DACH1: variants seen among roughly 807,000 people sequenced by gnomAD.
DACH1 encodes the protein dachshund homolog 1.
DACH1 carries 12 observed loss-of-function variants against 54.2 expected under a neutral mutation model. The observed-to-expected ratio is 0.22, with a 90% confidence interval of 0.14 to 0.36. The LOEUF (loss-of-function observed/expected upper bound fraction) is 0.36. Among genes scored for constraint, DACH1 ranks in the 10% least tolerant of loss-of-function variants. DACH1 has a pLI of 1.00. For missense variants in DACH1, 805 were observed against 929.8 expected, an observed-to-expected ratio of 0.87 and a Z score of 1.75; for synonymous variants, 386 against 366.2, an observed-to-expected ratio of 1.05 and a Z score of -0.62.
At chr13:71,844,553 T>G (rs923242503) in intron 1 of DACH1, among the ~76,000 whole-genome samples, 1 of 152,314 alleles carries the variant, frequency 6.6e-6, no homozygotes, top group South Asian at 2.1e-4. Flanking sequence ...TTGTTTTTGA[T>G]TTATGCAATA....
intron 1 of DACH1, among the ~76,000 whole-genome samples, chr13:71,688,694 C>G (rs184106861): frequency 6.6e-6 from 1 of 152,226 alleles, no homozygotes; most frequent in Admixed American, 6.5e-5. Context: ...CAGTGGACAC[C>G]TTGTGAACAC....
chr13:71,580,890 G>A (rs1593929822), intron 3 of DACH1, among the ~76,000 whole-genome samples: 1 of 152,074 alleles, frequency 6.6e-6, no homozygotes, highest in Non-Finnish European at 1.5e-5. Context: ...CTCAGCTGCT[G>A]TAATCAAATT....
At chr13:71,569,712 T>C (rs925828592) in intron 4 of DACH1, among the ~76,000 whole-genome samples, 1 of 152,200 alleles carries the variant, frequency 6.6e-6, no homozygotes, top group Non-Finnish European at 1.5e-5. Context: ...TTTGCTTCTC[T>C]TTTGTCCTAC....
Position 71,866,564 on chromosome 13 carries a change from G to GCTGTCTCT in DACH1, c.205_206insAGAGACAG (p.Thr69LysfsTer128). 1 of 1,260,626 alleles carries GCTGTCTCT rather than the reference G, an allele frequency of 7.9e-7. No homozygotes were observed. Among genetic ancestry groups the GCTGTCTCT allele is most frequent in the Non-Finnish European group, 1.0e-6 (1 of 998,110 alleles). The allele number at this position is 1,260,626 out of a possible 1,614,324, so 78.1% of individuals were successfully genotyped here. On this transcript the variant is annotated frameshift_variant, in exon 1 of 11. Coordinates refer to ENST00000613252, the MANE Select transcript of DACH1 (RefSeq NM_080759.6). LOFTEE classifies it high-confidence loss of function. ...GCCGCCGCCGCCGGTAGAGGTGACT[G>GCTGTCTCT]TGGCCGCCGCCGCCGCCGCCGAAGC... is the stretch of plus-strand genomic sequence containing the variant.
At chr13:71,465,467 C>G (rs973786570) in intron 10 of DACH1, among the ~76,000 whole-genome samples, 1 of 151,938 alleles carries the variant, frequency 6.6e-6, no homozygotes, top group Non-Finnish European at 1.5e-5. Context: ...GATATCCTTA[C>G]CATGGGGGAT....
chr13:71,631,303 T>A (rs142882801), intron 2 of DACH1, among the ~76,000 whole-genome samples: 126 of 152,304 alleles, frequency 8.3e-4, no homozygotes, highest in African/African-American at 3.0e-3. Flanking sequence ...AGCTACTCAT[T>A]AGAAGTCTTC....
intron 6 of DACH1, among the ~76,000 whole-genome samples, chr13:71,508,874 A>T (rs1258450219): frequency 2.0e-5 from 3 of 152,128 alleles, no homozygotes; most frequent in Non-Finnish European, 4.4e-5. Context: ...CCCCAAATGC[A>T]TTTCACTATT....
At chr13:71,573,657 A>T (rs1220498451) in intron 3 of DACH1, 13 of 438,198 alleles carry the variant, frequency 3.0e-5, no homozygotes. Flanking sequence ...TTTTTAAAAA[A>T]TGTATCACAT....
chr13:71,705,600 A>G (rs989828378), intron 1 of DACH1, among the ~76,000 whole-genome samples: 2 of 152,206 alleles, frequency 1.3e-5, no homozygotes, highest in African/African-American at 4.8e-5. Context: ...GCTCAAGCCT[A>G]TCAATGAATG....
intron 1 of DACH1, among the ~76,000 whole-genome samples, chr13:71,722,883 G>A (rs963749479): frequency 6.6e-5 from 10 of 152,054 alleles, no homozygotes; most frequent in African/African-American, 2.4e-4. Flanking sequence ...CTAAAGAGAG[G>A]AGGAGGATTC....
intron 6 of DACH1, among the ~76,000 whole-genome samples, chr13:71,490,911 T>G (rs1352117790): frequency 6.6e-6 from 1 of 152,230 alleles, no homozygotes; most frequent in East Asian, 1.9e-4. Flanking sequence ...TGCTTGTCTC[T>G]TGAAGAAAGG....
At chr13:71,796,621 A>T (rs1887062917) in intron 1 of DACH1, among the ~76,000 whole-genome samples, 1 of 152,124 alleles carries the variant, frequency 6.6e-6, no homozygotes, top group Admixed American at 6.6e-5. Context: ...AAGCAAACAA[A>T]AAATATTATA....
intron 7 of DACH1, among the ~76,000 whole-genome samples, chr13:71,485,422 A>G (rs1878402489): frequency 6.6e-6 from 1 of 150,974 alleles, no homozygotes; most frequent in Non-Finnish European, 1.5e-5. Flanking sequence ...CTCAAGCAGT[A>G]ACAAAAATCT....
intron 1 of DACH1, among the ~76,000 whole-genome samples, chr13:71,779,254 CGT>C (rs1886253750): frequency 1.4e-5 from 1 of 71,752 alleles, no homozygotes; most frequent in Non-Finnish European, 3.1e-5. Flanking sequence ...TACGTATATA[CGT>C]ATATATGTGT....
At chr13:71,466,345 CTTTA>C (rs1192159692) in intron 10 of DACH1, among the ~76,000 whole-genome samples, 5 of 152,086 alleles carry the variant, frequency 3.3e-5, no homozygotes, top group African/African-American at 1.2e-4. Context: ...TTTTTTTCAA[CTTTA>C]TTTATGCTAA....
chr13:71,836,400 A>G (rs1023503771), intron 1 of DACH1, among the ~76,000 whole-genome samples: 1 of 152,114 alleles, frequency 6.6e-6, no homozygotes, highest in Non-Finnish European at 1.5e-5. Context: ...TTAGACGAGT[A>G]AGCTAAGACT....
rs1873896276 is a variant in DACH1, at chr13:71,440,248, A to C, written c.*407T>G. ...GGTTTCTGGAGGACATAATTCTGTA[A>C]GTCTGGGTAACCACTGCTACAAGAG... On this transcript the variant is annotated 3_prime_UTR_variant, in exon 11 of 11. Coordinates refer to ENST00000613252, the MANE Select transcript of DACH1 (RefSeq NM_080759.6). 6.4e-6 allele frequency: 1 copy of C among 155,364 alleles called. No homozygotes were observed. Among genetic ancestry groups the C allele is most frequent in the African/African-American group, 2.4e-5 (1 of 41,432 alleles). 9.6% of individuals were successfully genotyped at this position (155,364 alleles called of 1,614,324 possible).
intron 1 of DACH1, among the ~76,000 whole-genome samples, chr13:71,716,395 G>A (rs1333001242): frequency 6.6e-6 from 1 of 152,030 alleles, no homozygotes; most frequent in East Asian, 1.9e-4. Context: ...TCAAAATCTA[G>A]CACCTCAATT....
intron 4 of DACH1, among the ~76,000 whole-genome samples, chr13:71,565,919 A>G (rs1171508314): frequency 6.6e-6 from 1 of 152,198 alleles, no homozygotes; most frequent in Non-Finnish European, 1.5e-5. Flanking sequence ...TAAGCAGCAA[A>G]ATAAAATCTT....
Sources: allele counts gnomAD v4.1 joint callset (sites outside exome capture counted in the v4.1 genomes callset), GRCh38; gene constraint gnomAD v4.1.1; transcripts MANE v1.5; gene names NCBI Gene and HGNC (gene_info 2026-07-23, HGNC 2026-07-21).